Variants in TRIM9 observed in about 807,000 individuals in gnomAD.
TRIM9 encodes tripartite motif containing 9, also known as E3 ubiquitin-protein ligase TRIM9.
A neutral mutation model predicts 78.3 loss-of-function variants in TRIM9; 26 were observed. The observed-to-expected ratio is 0.33, with a 90% CI of 0.24 to 0.46. The LOEUF is 0.46. TRIM9 is among the 20% of genes least tolerant of loss of function. The pLI is 1.00. For synonymous variants in TRIM9, 398 were observed against 416.5 expected (o/e 0.96, Z 0.54); for missense variants, 787 against 1,036.4 (o/e 0.76, Z 3.30).
rs571847234 is a variant in TRIM9 at position 51,027,381 on chromosome 14, T to G, written c.823-2021A>C. On this transcript the variant is annotated intron_variant, in intron 1 of 12. Transcript: ENST00000684578. ...CTGGTCTCAAACTCCTGACCTCAGG[T>G]GATCCACCCACCTCGACCTCCCAAA... Among the ~76,000 whole-genome samples, 13 of 152,164 alleles carry G rather than the reference T, an allele frequency of 8.5e-5. No individual in the cohort carries two copies. The South Asian group carries it at 2.7e-3, about 32-fold the overall frequency.
chr14:51,055,101 C>A (rs1361502745), intron 1 of TRIM9, among the ~76,000 whole-genome samples: 1 of 152,176 alleles, frequency 6.6e-6, no homozygotes, highest in Non-Finnish European at 1.5e-5. Flanking sequence ...GGATTACAGG[C>A]GTGAGCCACC....
In TRIM9 at chr14:50,979,898, A is replaced by G. The variant is rs1338183471; in HGVS notation, c.2163-349T>C. On this transcript the variant is annotated intron_variant, in intron 11 of 12. Coordinates refer to ENST00000684578, the MANE Select transcript of TRIM9 (RefSeq NM_001387360.1). The stretch of plus-strand genomic sequence containing the variant: ...AGGGTCTCTACCACTGAGTCACAGC[A>G]GTAGAAAACCAAACATTAAAGACTA... 3.3e-5 allele frequency among the ~76,000 whole-genome samples: 5 copies of G among 152,350 alleles called. No individual in the cohort carries two copies. The South Asian group carries it at 6.2e-4, about 19-fold the overall frequency.
rs538890296 is a variant in TRIM9 at position 51,074,357 on chromosome 14, T to C, written c.822+19761A>G. Among the ~76,000 whole-genome samples the C allele has an allele frequency of 5.3e-5, 8 of 152,276 alleles. No individual in the cohort carries two copies. The South Asian group carries it at 1.7e-3, about 32-fold the overall frequency. ...GTAAAAATCTAACAATCACTTGAAATTGAAGAATTTGGCATGTAAAATGAA... is the reference window on the plus strand; with the variant it reads ...GTAAAAATCTAACAATCACTTGAAACTGAAGAATTTGGCATGTAAAATGAA... On this transcript the variant is annotated intron_variant, in intron 1 of 12. Coordinates refer to ENST00000684578, the MANE Select transcript of TRIM9 (RefSeq NM_001387360.1).
intron 1 of TRIM9, among the ~76,000 whole-genome samples, chr14:51,047,959 C>CAA (rs34404791): frequency 1.4e-5 from 2 of 146,258 alleles, no homozygotes; most frequent in Admixed American, 6.8e-5. Flanking sequence ...GACCCTGTCT[C>CAA]AAAAAAAAAA....
intron 1 of TRIM9, among the ~76,000 whole-genome samples, chr14:51,087,310 G>C (rs566284578): frequency 5.3e-5 from 8 of 152,176 alleles, no homozygotes; most frequent in Non-Finnish European, 1.2e-4. Flanking sequence ...TGGCCAACAT[G>C]CTGCACTTTA....
intron 7 of TRIM9, among the ~76,000 whole-genome samples, chr14:50,995,810 T>C (rs930913708): frequency 1.3e-5 from 2 of 152,044 alleles, no homozygotes; most frequent in Non-Finnish European, 2.9e-5. Flanking sequence ...TTCTGGAAAC[T>C]GTAGGAAATA....
intron 1 of TRIM9, among the ~76,000 whole-genome samples, chr14:51,034,724 C>T (rs368994719): frequency 2.2e-4 from 34 of 152,246 alleles, no homozygotes; most frequent in African/African-American, 6.3e-4. Flanking sequence ...ATTATAGAGA[C>T]CTATACAGTG....
chr14:51,004,347 C>G (rs1050000287), intron 5 of TRIM9, among the ~76,000 whole-genome samples: 6 of 152,172 alleles, frequency 3.9e-5, no homozygotes, highest in African/African-American at 1.4e-4. Context: ...TTAAATTTTC[C>G]AGTAGCAGCT....
At chr14:51,062,619 T>C (rs8010154) in intron 1 of TRIM9, among the ~76,000 whole-genome samples, 75,391 of 151,908 alleles carry the variant, frequency 0.5, 19,209 homozygotes, top group African/African-American at 0.58. Flanking sequence ...TCAAGGATAG[T>C]CAGGAAAACC....
At position 51,087,601 on chromosome 14, in the gene TRIM9, T is replaced by C. The variant is rs2063886154; in HGVS notation, c.822+6517A>G. On this transcript the variant is annotated intron_variant, in intron 1 of 12. Transcript: ENST00000684578. ...TTAACAAAACCTAGATGGTCTCTGATAGTGTAGGTACACTGTGGTGGCCAT... is the reference window on the plus strand; with the variant it reads ...TTAACAAAACCTAGATGGTCTCTGACAGTGTAGGTACACTGTGGTGGCCAT... 2.0e-5 allele frequency among the ~76,000 whole-genome samples: 3 copies of C among 152,222 alleles called. No individual in the cohort carries two copies. The South Asian group carries it at 6.2e-4, about 31-fold the overall frequency.
chr14:51,063,720 A>T (rs1413630730), intron 1 of TRIM9, among the ~76,000 whole-genome samples: 1 of 152,152 alleles, frequency 6.6e-6, no homozygotes, highest in Non-Finnish European at 1.5e-5. Flanking sequence ...TAAAACTCAG[A>T]ATTTTACATC....
Position 50,980,915 on chromosome 14 carries a change from G to A in TRIM9, c.2162+885C>T, listed in dbSNP as rs543120606. On this transcript the variant is annotated intron_variant, in intron 11 of 12. Transcript: ENST00000684578. ...TGAGCATACAGAAAAAGATAAAACAGTGGGGTCCAATTATCCTACCAATGT... is the reference window on the plus strand; with the variant it reads ...TGAGCATACAGAAAAAGATAAAACAATGGGGTCCAATTATCCTACCAATGT... 5.3e-5 allele frequency among the ~76,000 whole-genome samples: 8 copies of A among 152,164 alleles called. No homozygotes were observed. In the South Asian group the frequency reaches 1.5e-3, roughly 28 times the overall value.
At chr14:51,007,886 G>A (rs543235952) in intron 5 of TRIM9, among the ~76,000 whole-genome samples, 6 of 151,408 alleles carry the variant, frequency 4.0e-5, no homozygotes, top group African/African-American at 1.5e-4. Flanking sequence ...GTACAGGAAC[G>A]CATTTAACTG....
intron 1 of TRIM9, among the ~76,000 whole-genome samples, chr14:51,067,585 T>C (rs2061856290): frequency 6.6e-6 from 1 of 152,222 alleles, no homozygotes. Flanking sequence ...CACTTTGCTG[T>C]AGCCCACTGG....
chr14:50,996,020 T>C (rs1325443247), intron 7 of TRIM9: 3 of 865,592 alleles, frequency 3.5e-6, no homozygotes, highest in African/African-American at 1.8e-5. Context: ...CTTGTCTCAC[T>C]GAATGTATTA....
At chr14:50,984,460 T>A (rs2052429352) in intron 8 of TRIM9, among the ~76,000 whole-genome samples, 1 of 152,222 alleles carries the variant, frequency 6.6e-6, no homozygotes, top group Non-Finnish European at 1.5e-5. Context: ...TGCAAAAGAA[T>A]CGTTTCCTCC....
chr14:50,994,533 C>T (rs1240008734), intron 7 of TRIM9, among the ~76,000 whole-genome samples: 1 of 152,136 alleles, frequency 6.6e-6, no homozygotes, highest in Non-Finnish European at 1.5e-5. Flanking sequence ...GATGTCTAGC[C>T]CCTACCTAAA....
intron 1 of TRIM9, among the ~76,000 whole-genome samples, chr14:51,037,203 G>A (rs866293251): frequency 2.4e-4 from 36 of 152,108 alleles, no homozygotes; most frequent in African/African-American, 7.2e-4. Context: ...AAATAACTCC[G>A]AGATCAAATA....
chr14:51,091,915 C>G (rs951369306), intron 1 of TRIM9, among the ~76,000 whole-genome samples: 1 of 152,124 alleles, frequency 6.6e-6, no homozygotes, highest in African/African-American at 2.4e-5. Context: ...TTTAACATTT[C>G]AAATTGACAT....
Sources: gnomAD v4.1 joint callset for allele counts (sites outside exome capture counted in the v4.1 genomes callset) on GRCh38, gnomAD v4.1.1 for gene constraint, MANE v1.5 for transcripts, NCBI Gene and HGNC (gene_info 2026-07-23, HGNC 2026-07-21) for gene names.